LRRC17: variants seen among roughly 807,000 people sequenced by gnomAD.
LRRC17 encodes leucine rich repeat containing 17, also known as leucine-rich repeat-containing protein 17.
Under a neutral mutation model 41.5 loss-of-function variants are expected in LRRC17, and 33 were observed. That is an observed-to-expected ratio of 0.80 (90% CI 0.60 to 1.06). LRRC17 has a LOEUF of 1.06. Ranked by LOEUF, LRRC17 falls within the 50% of genes least tolerant of loss-of-function variation. The pLI is 0.00. For synonymous variants in LRRC17, 192 were observed against 197.0 expected (o/e 0.97, Z 0.21); for missense variants, 491 against 519.3 (o/e 0.95, Z 0.53).
intron 1 of LRRC17, among the ~76,000 whole-genome samples, chr7:102,930,084 A>G (rs917036967): frequency 5.9e-5 from 9 of 152,166 alleles, no homozygotes; most frequent in African/African-American, 1.9e-4. Context: ...CAAAGACACA[A>G]TGAAATAGCA....
intron 1 of LRRC17, among the ~76,000 whole-genome samples, chr7:102,923,060 A>G (rs905582846): frequency 1.3e-5 from 2 of 152,218 alleles, no homozygotes; most frequent in Non-Finnish European, 2.9e-5. Context: ...TTTTATTAAC[A>G]TTAATAAGAC....
At chr7:102,913,428 AT>A (rs1281749400) in intron 1 of LRRC17, among the ~76,000 whole-genome samples, 1 of 152,244 alleles carries the variant, frequency 6.6e-6, no homozygotes, top group Non-Finnish European at 1.5e-5. Flanking sequence ...CTTGTAATAC[AT>A]TTCAAGTGAA....
chr7:102,919,662 T>C (rs887884925), intron 1 of LRRC17, among the ~76,000 whole-genome samples: 3 of 152,192 alleles, frequency 2.0e-5, no homozygotes, highest in Non-Finnish European at 2.9e-5. Flanking sequence ...TCAAAGTTTA[T>C]GGACCAATAT....
chr7:102,937,382 C>T (rs1820531224), intron 2 of LRRC17, among the ~76,000 whole-genome samples: 2 of 151,688 alleles, frequency 1.3e-5, no homozygotes, highest in African/African-American at 4.8e-5. Flanking sequence ...TGGCAGGCAC[C>T]TGTAATCCCA....
At chr7:102,941,297 C>T (rs1821370448) in intron 3 of LRRC17, among the ~76,000 whole-genome samples, 1 of 152,102 alleles carries the variant, frequency 6.6e-6, no homozygotes, top group African/African-American at 2.4e-5. Context: ...GTGTCATGTC[C>T]ACAAAGCCAG....
chr7:102,913,142 T>G lies in LRRC17; in HGVS notation c.-144T>G, dbSNP rs1563080751. 1 of 1,614,154 alleles carries G rather than the reference T, an allele frequency of 6.2e-7. No individual in the cohort carries two copies. The highest frequency in any genetic ancestry group is 1.3e-5 in the African/African-American group (1 of 75,032). On this transcript the variant is annotated 5_prime_UTR_variant, in exon 1 of 4. Transcript: ENST00000339431. ...AGCTTGTGGCATCCATTCCCCAAGT[T>G]CAGGTACTGTAAGCCTTTGTCTGTG... is the stretch of plus-strand genomic sequence containing the variant.
At position 102,921,279 on chromosome 7, in the gene LRRC17, A is replaced by G. The variant is rs550124242; in HGVS notation, c.-141+8134A>G. On this transcript the variant is annotated intron_variant, in intron 1 of 3. Transcript: ENST00000339431. The stretch of plus-strand genomic sequence containing the variant: ...CCTTTGTTAATAAGGTTGTAAAATA[A>G]CATCAAAATAAAGAGAAGCTTGATC... Among the ~76,000 whole-genome samples the G allele has an allele frequency of 1.0e-4, 16 of 152,382 alleles. No individual in the cohort carries two copies. In the South Asian group the frequency reaches 3.3e-3, roughly 32 times the overall value.
At position 102,929,389 on chromosome 7, in the gene LRRC17, C is replaced by T. The variant is rs576140047; in HGVS notation, c.-140-4385C>T. Among the ~76,000 whole-genome samples the T allele has an allele frequency of 2.6e-5, 4 of 152,224 alleles. No individual in the cohort carries two copies. The South Asian group carries it at 8.3e-4, about 32-fold the overall frequency. On this transcript the variant is annotated intron_variant, in intron 1 of 3. Transcript: ENST00000339431. The stretch of plus-strand genomic sequence containing the variant: ...AGAAATTAATTCTGTCAGCTGGGTG[C>T]GGTGTCTCACGCCTGTAATCCCAGC...
intron 1 of LRRC17, among the ~76,000 whole-genome samples, chr7:102,917,136 T>G (rs577474677): frequency 6.6e-6 from 1 of 152,328 alleles, no homozygotes; most frequent in African/African-American, 2.4e-5. Context: ...GTAATAGAAT[T>G]CTGCAGAAAA....
At chr7:102,917,551 T>A (rs1192068006) in intron 1 of LRRC17, among the ~76,000 whole-genome samples, 3 of 152,136 alleles carry the variant, frequency 2.0e-5, no homozygotes, top group African/African-American at 7.2e-5. Flanking sequence ...AGATTAGCCA[T>A]GAGAAGGAGA....
At position 102,935,142 on chromosome 7, in the gene LRRC17, T is replaced by C. The variant is rs552905953; in HGVS notation, c.772+457T>C. Among the ~76,000 whole-genome samples the C allele has an allele frequency of 2.8e-4, 43 of 151,666 alleles. 2 individuals carry two copies. In the South Asian group the frequency reaches 8.8e-3, roughly 31 times the overall value. ...GCAGGACAGGACTGTGAGAGCACTC[T>C]GAGACAGAGTGAAAGTGATGGCCCT... On this transcript the variant is annotated intron_variant, in intron 2 of 3. Coordinates refer to ENST00000339431, the MANE Select transcript of LRRC17 (RefSeq NM_001031692.3).
At chr7:102,929,663 C>CA (rs35025022) in intron 1 of LRRC17, among the ~76,000 whole-genome samples, 67,630 of 91,416 alleles carry the variant, frequency 0.74, 26,119 homozygotes, top group Non-Finnish European at 0.85. Context: ...GACTCCATCT[C>CA]AAAAAAAAAA....
At chr7:102,926,055 T>G (rs1245238733) in intron 1 of LRRC17, among the ~76,000 whole-genome samples, 2 of 151,904 alleles carry the variant, frequency 1.3e-5, no homozygotes, top group Non-Finnish European at 2.9e-5. Flanking sequence ...CTCAAGCTAC[T>G]GGGCACATTG....
At chr7:102,930,192 A>T (rs935819074) in intron 1 of LRRC17, among the ~76,000 whole-genome samples, 1 of 152,120 alleles carries the variant, frequency 6.6e-6, no homozygotes, top group Admixed American at 6.5e-5. Context: ...TGAGGCTGAG[A>T]GGTAGCAGGG....
intron 2 of LRRC17, among the ~76,000 whole-genome samples, chr7:102,935,861 A>ATG (rs1374514307): frequency 6.6e-6 from 1 of 152,126 alleles, no homozygotes; most frequent in Admixed American, 6.5e-5. Flanking sequence ...AAATTTTGCT[A>ATG]TGTTTTGTTT....
chr7:102,925,224 T>C (rs1033985366), intron 1 of LRRC17, among the ~76,000 whole-genome samples: 1 of 151,968 alleles, frequency 6.6e-6, no homozygotes, highest in Non-Finnish European at 1.5e-5. Flanking sequence ...TGAAACCCCA[T>C]CTCTACAGAA....
chr7:102,940,489 C>T (rs1289675568), intron 3 of LRRC17, among the ~76,000 whole-genome samples: 5 of 152,236 alleles, frequency 3.3e-5, no homozygotes, highest in Non-Finnish European at 4.4e-5. Context: ...GGATTACAGG[C>T]GTGAGCCACC....
intron 2 of LRRC17, 70 bp downstream of exon 2, chr7:102,934,755 C>T (rs1441167905): frequency 9.3e-6 from 12 of 1,292,810 alleles, no homozygotes; most frequent in Non-Finnish European, 1.2e-5. Context: ...ATAATCCTCC[C>T]TACATCCCAC....
At chr7:102,922,471 C>A (rs1817240268) in intron 1 of LRRC17, among the ~76,000 whole-genome samples, 1 of 151,964 alleles carries the variant, frequency 6.6e-6, no homozygotes, top group Non-Finnish European at 1.5e-5. Context: ...AAAAAGTATG[C>A]ATATAAATGT....
Sources: gnomAD v4.1 joint callset for allele counts (sites outside exome capture counted in the v4.1 genomes callset) on GRCh38, gnomAD v4.1.1 for gene constraint, MANE v1.5 for transcripts, NCBI Gene and HGNC (gene_info 2026-07-23, HGNC 2026-07-21) for gene names.